ENPP2: variants seen among roughly 807,000 people sequenced by gnomAD.
ENPP2 encodes autotaxin.
Under a neutral mutation model 120.2 loss-of-function variants are expected in ENPP2, and 51 were observed. The observed-to-expected ratio is 0.42, with a 90% CI of 0.34 to 0.54. The LOEUF is 0.54. Among genes scored for constraint, ENPP2 ranks in the 20% least tolerant of loss-of-function variants. The pLI is 0.04. For missense variants in ENPP2, 920 were observed against 1,066.5 expected (o/e 0.86, Z 1.91); for synonymous variants, 365 against 366.4 (o/e 1.00, Z 0.04).
At chr8:119,670,712 C>CAG (rs1224992443) in intron 1 of ENPP2, among the ~76,000 whole-genome samples, 2 of 152,246 alleles carry the variant, frequency 1.3e-5, no homozygotes, top group East Asian at 3.9e-4. Flanking sequence ...AGGTTAGACA[C>CAG]AGACCTCACA....
intron 9 of ENPP2, among the ~76,000 whole-genome samples, chr8:119,604,587 CAAA>C (rs34725889): frequency 1.5e-4 from 22 of 143,310 alleles, no homozygotes; most frequent in East Asian, 2.0e-4. Flanking sequence ...TAGAAATGGT[CAAA>C]AAAAAAAAAA....
chr8:119,623,908 G>T (rs766428111), intron 3 of ENPP2, among the ~76,000 whole-genome samples: 1 of 152,184 alleles, frequency 6.6e-6, no homozygotes, highest in African/African-American at 2.4e-5. Flanking sequence ...TTACAGGCAT[G>T]AGCCACTATG....
In ENPP2 at chr8:119,617,577, A is replaced by T; in HGVS notation, c.480-14T>A. On this transcript the variant is annotated splice_polypyrimidine_tract_variant and intron_variant, in intron 5 of 24. Transcript: ENST00000075322. ...GGGCGAACAAACCTTAAACAGTAACACATTAAGCTTTTAGAAACATTATTA... is the reference window on the plus strand; with the variant it reads ...GGGCGAACAAACCTTAAACAGTAACTCATTAAGCTTTTAGAAACATTATTA... 1.3e-6 allele frequency: 2 copies of T among 1,563,520 alleles called. No individual in the cohort carries two copies. The highest frequency in any genetic ancestry group is 1.8e-6 in the Non-Finnish European group (2 of 1,135,376).
At chr8:119,673,240 C>G (rs1238870564) in intron 1 of ENPP2, 9 of 1,532,958 alleles carry the variant, frequency 5.9e-6, no homozygotes, top group East Asian at 2.4e-5. Context: ...TAGAGAGAGG[C>G]GCATACCGTA....
In ENPP2 at chr8:119,580,107, A is replaced by G; in HGVS notation, c.1780+9T>C. 2 of 1,606,792 alleles carry G rather than the reference A, an allele frequency of 1.2e-6. No individual in the cohort carries two copies. The highest frequency in any genetic ancestry group is 1.7e-6 in the Non-Finnish European group (2 of 1,173,826). ...AACCTTATCTGATTATTTTGCAACC[A>G]CCCCTTACCTTCTGTAGACCCTTTT... On this transcript the variant is annotated intron_variant, in intron 19 of 24. Coordinates refer to ENST00000075322, the MANE Select transcript of ENPP2 (RefSeq NM_001040092.3).
intron 2 of ENPP2, among the ~76,000 whole-genome samples, chr8:119,633,746 CT>C (rs1226972672): frequency 6.6e-6 from 1 of 151,972 alleles, no homozygotes; most frequent in African/African-American, 2.4e-5. Context: ...AAATACATAA[CT>C]TTTTATAAAT....
At chr8:119,616,512 T>C in intron 7 of ENPP2, 128 bp from the exon 8 acceptor site, 1 of 542,884 alleles carries the variant, frequency 1.8e-6, no homozygotes. Flanking sequence ...ATATAAGACA[T>C]GTATAACCTT....
intron 1 of ENPP2, among the ~76,000 whole-genome samples, chr8:119,654,383 A>C (rs1212752168): frequency 1.4e-5 from 2 of 144,086 alleles, no homozygotes; most frequent in Non-Finnish European, 3.0e-5. Flanking sequence ...ATATAGAGAG[A>C]TATATCTAGA....
chr8:119,569,871 T>C (rs559939483), intron 20 of ENPP2, among the ~76,000 whole-genome samples: 1 of 152,072 alleles, frequency 6.6e-6, no homozygotes, highest in African/African-American at 2.4e-5. Flanking sequence ...TATTAAAAAA[T>C]TTTAAACATG....
intron 11 of ENPP2, chr8:119,595,872 T>C (rs762749020): frequency 2.5e-6 from 4 of 1,613,974 alleles, no homozygotes; most frequent in Non-Finnish European, 3.4e-6. Flanking sequence ...TTCCGCAGCA[T>C]AATGATCCAT....
chr8:119,609,309 A>C (rs1483696436), intron 8 of ENPP2, among the ~76,000 whole-genome samples: 1 of 152,168 alleles, frequency 6.6e-6, no homozygotes, highest in Non-Finnish European at 1.5e-5. Context: ...ATGGGGCAGG[A>C]GAACGTACAG....
At chr8:119,663,419 G>A (rs1482363259) in intron 1 of ENPP2, among the ~76,000 whole-genome samples, 1 of 152,200 alleles carries the variant, frequency 6.6e-6, no homozygotes, top group Middle Eastern at 3.2e-3. Flanking sequence ...TATCAGGGAT[G>A]CATTTATCCT....
intron 20 of ENPP2, among the ~76,000 whole-genome samples, chr8:119,570,263 G>A (rs373120138): frequency 2.4e-5 from 3 of 127,644 alleles, no homozygotes; most frequent in Admixed American, 9.0e-5. Context: ...AGCAAGACTC[G>A]GTCTCAAAAC....
intron 22 of ENPP2, 107 bp downstream of exon 22, chr8:119,568,068 A>G (rs1814622953): frequency 2.8e-6 from 2 of 717,356 alleles, no homozygotes; most frequent in Admixed American, 2.4e-5. Context: ...GGTTAAACAC[A>G]TGAAAAGTAT....
chr8:119,562,034 G>A (rs1004261882), intron 24 of ENPP2, among the ~76,000 whole-genome samples: 4 of 152,156 alleles, frequency 2.6e-5, no homozygotes, highest in African/African-American at 9.7e-5. Context: ...CTACTCGGGA[G>A]GCTGAGGCAG....
chr8:119,619,129 G>T, intron 5 of ENPP2, 115 bp downstream of exon 5: 1 of 741,086 alleles, frequency 1.3e-6, no homozygotes, highest in Non-Finnish European at 2.3e-6. Flanking sequence ...TCATAAGTTT[G>T]CCTGTATAAG....
intron 1 of ENPP2, among the ~76,000 whole-genome samples, chr8:119,663,169 G>C (rs1395169185): frequency 1.3e-5 from 2 of 151,510 alleles, no homozygotes; most frequent in Non-Finnish European, 2.9e-5. Context: ...AAAGAAAATG[G>C]GTAGTATAAT....
chr8:119,579,710 C>A (rs1812596250), intron 19 of ENPP2, among the ~76,000 whole-genome samples: 1 of 151,576 alleles, frequency 6.6e-6, no homozygotes, highest in African/African-American at 2.4e-5. Flanking sequence ...TGAATCTCTC[C>A]CTATCACAAT....
chr8:119,634,597 T>G (rs1816888220), intron 2 of ENPP2, among the ~76,000 whole-genome samples: 1 of 152,246 alleles, frequency 6.6e-6, no homozygotes, highest in Non-Finnish European at 1.5e-5. Context: ...TTTTCCTGGT[T>G]GGAAAATTAG....
Sources: allele counts gnomAD v4.1 joint callset (sites outside exome capture counted in the v4.1 genomes callset), GRCh38; gene constraint gnomAD v4.1.1; transcripts MANE v1.5; gene names NCBI Gene and HGNC (gene_info 2026-07-23, HGNC 2026-07-21).